NECTIN1: variants seen among roughly 807,000 people sequenced by gnomAD.
NECTIN1 encodes the protein nectin-1.
NECTIN1 carries 23 observed loss-of-function variants against 48.0 expected under a neutral mutation model. The ratio of observed to expected loss-of-function variants is 0.48; its 90% CI spans 0.34 to 0.68. The LOEUF is 0.68. Ranked by LOEUF, NECTIN1 falls within the 30% of genes least tolerant of loss-of-function variation. The probability of loss-of-function intolerance (pLI) is 0.01; values close to 1 mark genes in which losing one functional copy is unlikely to be tolerated. For missense variants in NECTIN1, 591 were observed against 709.9 expected (o/e 0.83, Z 1.90); for synonymous variants, 270 against 288.9 (o/e 0.93, Z 0.66).
chr11:119,653,815 G>A (rs778577121), intron 5 of NECTIN1, among the ~76,000 whole-genome samples: 5 of 152,170 alleles, frequency 3.3e-5, no homozygotes, highest in Non-Finnish European at 7.3e-5. Context: ...TACAGCCGTC[G>A]GTGGCAAGTA....
At chr11:119,726,909 T>C (rs1865916353) in intron 1 of NECTIN1, among the ~76,000 whole-genome samples, 1 of 152,146 alleles carries the variant, frequency 6.6e-6, no homozygotes, top group Non-Finnish European at 1.5e-5. Flanking sequence ...TCTGTATCTC[T>C]GGCTGGCTTC....
chr11:119,676,701 T>A, intron 4 of NECTIN1: 1 of 300,712 alleles, frequency 3.3e-6, no homozygotes, highest in African/African-American at 2.2e-5. Context: ...AGAGAAGGAA[T>A]AGGGACAAAG....
At chr11:119,649,276 G>T (rs1864456128) in intron 5 of NECTIN1, among the ~76,000 whole-genome samples, 1 of 151,976 alleles carries the variant, frequency 6.6e-6, no homozygotes, top group Non-Finnish European at 1.5e-5. Flanking sequence ...AGCTACTTGG[G>T]ATGCTGAGGC....
rs554355692 is a variant in NECTIN1 at position 119,692,192 on chromosome 11, G to C, written c.80-13427C>G. 2.6e-5 allele frequency among the ~76,000 whole-genome samples: 4 copies of C among 152,340 alleles called. No homozygotes were observed. The South Asian group carries it at 6.2e-4, about 24-fold the overall frequency. On this transcript the variant is annotated intron_variant, in intron 1 of 5. Transcript: ENST00000264025. ...CCGCTTCCAGCTCAGACTTGTCGGG[G>C]TTTCAGGAGTCACTGGGTAGGGGTT...
downstream of NECTIN1, among the ~76,000 whole-genome samples, chr11:119,660,056 G>A (rs11217378): frequency 0.085 from 12,983 of 152,178 alleles, 1,677 homozygotes; most frequent in African/African-American, 0.28. Context: ...ACTTCTGCCC[G>A]TCCAGCCCCA....
At chr11:119,696,246 A>G (rs1045531416) in intron 1 of NECTIN1, among the ~76,000 whole-genome samples, 3 of 152,204 alleles carry the variant, frequency 2.0e-5, no homozygotes, top group Non-Finnish European at 2.9e-5. Flanking sequence ...ACCCAGCCCA[A>G]AGGTAAAAGT....
chr11:119,727,066 C>A lies in NECTIN1; in HGVS notation c.79+1409G>T, dbSNP rs777941363. On this transcript the variant is annotated intron_variant, in intron 1 of 5. Transcript: ENST00000264025. This position sits in a 1 kb window ranked among gnomAD's most constrained non-coding sequence, Gnocchi z 4.1. ...CCCCAGGCTTCACGGGTGGAGGCAC[C>A]CCAGTACTGGCTTTCACAAACTGCT... Among the ~76,000 whole-genome samples the A allele has an allele frequency of 5.9e-5, 9 of 152,210 alleles. No individual in the cohort carries two copies. Among genetic ancestry groups the A allele is most frequent in the Non-Finnish European group, 1.3e-4 (9 of 67,994 alleles).
At chr11:119,651,722 C>T (rs865887394) in intron 5 of NECTIN1, among the ~76,000 whole-genome samples, 2 of 152,152 alleles carry the variant, frequency 1.3e-5, no homozygotes, top group Non-Finnish European at 1.5e-5. Flanking sequence ...ACTATCACCC[C>T]AGGCACCTGG....
chr11:119,669,426 A>AAC (rs1864830393), intron 5 of NECTIN1, among the ~76,000 whole-genome samples: 1 of 150,976 alleles, frequency 6.6e-6, no homozygotes, highest in East Asian at 1.9e-4. Flanking sequence ...AAAAAAAAAA[A>AAC]TGCACCTTGA....
At position 119,664,351 on chromosome 11, in the gene NECTIN1, C is replaced by A; in HGVS notation, c.*396G>T. The A allele has an allele frequency of 9.6e-7, 1 of 1,036,406 alleles. No individual in the cohort carries two copies. Among genetic ancestry groups the A allele is most frequent in the Non-Finnish European group, 1.2e-6 (1 of 861,026 alleles). 64.2% of individuals were successfully genotyped at this position (1,036,406 alleles called of 1,614,324 possible). A position where few individuals can be genotyped will look rare whatever the true frequency, so the allele number is the denominator to read the frequency against. ...CCCTCTTAGAGCCCCTTGAGCCCTC[C>A]ACCCCCAGTGAAGAAACACAAACAA... On this transcript the variant is annotated 3_prime_UTR_variant, in exon 6 of 6. Coordinates refer to ENST00000264025, the MANE Select transcript of NECTIN1 (RefSeq NM_002855.5).
intron 4 of NECTIN1, among the ~76,000 whole-genome samples, chr11:119,676,582 G>A (rs1450288570): frequency 2.0e-5 from 3 of 152,226 alleles, no homozygotes; most frequent in Admixed American, 6.5e-5. Flanking sequence ...AAGGCAAGGC[G>A]AAGACCGTGA....
chr11:119,640,326 T>A (rs1864305704), intron 5 of NECTIN1: 1 of 417,834 alleles, frequency 2.4e-6, no homozygotes, highest in Admixed American at 3.9e-5. Flanking sequence ...CCCCACCCCG[T>A]CATTCCATTT....
chr11:119,656,946 G>A (rs1431433937), downstream of NECTIN1, among the ~76,000 whole-genome samples: 1 of 152,144 alleles, frequency 6.6e-6, no homozygotes, highest in Non-Finnish European at 1.5e-5. Flanking sequence ...TTCCCCTTCT[G>A]ACAGGTGCCC....
intron 1 of NECTIN1, among the ~76,000 whole-genome samples, chr11:119,710,665 A>G (rs1211760777): frequency 6.6e-6 from 1 of 152,202 alleles, no homozygotes; most frequent in African/African-American, 2.4e-5. Flanking sequence ...AGGGTCCTCC[A>G]GGCAGAGGAG....
In NECTIN1 at chr11:119,678,981, A is replaced by G. The variant is rs1208659153; in HGVS notation, c.80-216T>C. ...TCCCATGATCCTTCCGCTCAGGATA[A>G]TCTTGAAGGATCTATCTCCTTTTAC... On this transcript the variant is annotated intron_variant, in intron 1 of 5. Transcript: ENST00000264025. The surrounding 1 kb of genome is among the most constrained non-coding windows in gnomAD (Gnocchi z 4.4). Among the ~76,000 whole-genome samples the G allele has an allele frequency of 1.3e-5, 2 of 152,210 alleles. No individual in the cohort carries two copies. Among genetic ancestry groups the G allele is most frequent in the African/African-American group, 4.8e-5 (2 of 41,460 alleles).
chr11:119,716,056 G>A (rs1865738630), intron 1 of NECTIN1, among the ~76,000 whole-genome samples: 1 of 152,232 alleles, frequency 6.6e-6, no homozygotes, highest in African/African-American at 2.4e-5. Flanking sequence ...GGCGCTTGGG[G>A]CAGCCAGAAT....
At chr11:119,726,971 G>A (rs916737929) in intron 1 of NECTIN1, among the ~76,000 whole-genome samples, 1 of 152,108 alleles carries the variant, frequency 6.6e-6, no homozygotes, top group African/African-American at 2.4e-5. Context: ...ACCACCCTCT[G>A]GGGGCAGGGT....
intron 1 of NECTIN1, among the ~76,000 whole-genome samples, chr11:119,692,542 C>T: frequency 6.6e-6 from 1 of 152,232 alleles, no homozygotes; most frequent in East Asian, 1.9e-4. Context: ...CAAGTGCTCC[C>T]CTCCTTCCCT....
At chr11:119,721,242 C>G (rs1357942238) in intron 1 of NECTIN1, among the ~76,000 whole-genome samples, 2 of 152,388 alleles carry the variant, frequency 1.3e-5, no homozygotes, top group South Asian at 2.1e-4. Context: ...CTGGAGGGAG[C>G]TGTGTCCTCC....
Sources: allele counts gnomAD v4.1 joint callset (sites outside exome capture counted in the v4.1 genomes callset), GRCh38; gene constraint gnomAD v4.1.1; non-coding constraint Gnocchi (gnomAD v3.1); transcripts MANE v1.5; gene names NCBI Gene and HGNC (gene_info 2026-07-23, HGNC 2026-07-21).